FGD1: variants seen among roughly 807,000 people sequenced by gnomAD.
FGD1 encodes the protein FYVE, RhoGEF and PH domain containing 1.
Under a neutral mutation model 65.0 loss-of-function variants are expected in FGD1, and 12 were observed. That is an observed-to-expected ratio of 0.18 (90% CI 0.12 to 0.30). The LOEUF is 0.30. Among genes scored for constraint, FGD1 ranks in the 10% least tolerant of loss-of-function variants. The pLI is 1.00. For missense variants in FGD1, 542 were observed against 837.6 expected, an observed-to-expected ratio of 0.65 and a Z score of 4.36; for synonymous variants, 333 against 343.9, an observed-to-expected ratio of 0.97 and a Z score of 0.35.
rs1182349282 is a variant in FGD1, at chrX:54,456,572, A to G, written c.1637-5T>C. The G allele has an allele frequency of 8.3e-7, 1 of 1,204,918 alleles. No individual in the cohort carries two copies. The highest frequency in any genetic ancestry group is 1.1e-6 in the Non-Finnish European group (1 of 890,118). On this transcript the variant is annotated splice_region_variant and splice_polypyrimidine_tract_variant and intron_variant, in intron 8 of 17. Coordinates refer to ENST00000375135, the MANE Select transcript of FGD1 (RefSeq NM_004463.3). ...TGGCGATCAGCTCCAGAGACTCTAC[A>G]GGCATAGAGGGGTGAGGTCAGATGG...
intron 1 of FGD1, among the ~76,000 whole-genome samples, chrX:54,477,492 C>T (rs1338653711): frequency 1.8e-5 from 2 of 108,961 alleles, no homozygotes; most frequent in Non-Finnish European, 3.8e-5. Flanking sequence ...TACAATGGTG[C>T]GATCTCAGCT....
chrX:54,448,421 G>A lies in FGD1; in HGVS notation c.2436+385C>T, dbSNP rs767880354. On this transcript the variant is annotated intron_variant, in intron 16 of 17. Transcript: ENST00000375135. ...GGCTGGTCCTGAACTCCCGACCTCC[G>A]GTGATTCACCCGCCTCAGCCTCCCA... Among the ~76,000 whole-genome samples the A allele has an allele frequency of 9.9e-5, 11 of 111,043 alleles. No individual in the cohort carries two copies. In the East Asian group the frequency reaches 2.0e-3, roughly 20 times the overall value.
chrX:54,468,658 G>A (rs1001382295), intron 5 of FGD1, 129 bp downstream of exon 5: 4 of 508,508 alleles, frequency 7.9e-6, no homozygotes, highest in Non-Finnish European at 1.4e-5. Flanking sequence ...TGACTTCAAG[G>A]TCAGAGAGGA....
At chrX:54,459,039 C>T (rs1366004899) in intron 8 of FGD1, among the ~76,000 whole-genome samples, 1 of 111,203 alleles carries the variant, frequency 9.0e-6, no homozygotes, top group African/African-American at 3.3e-5. Flanking sequence ...AATGATCTCC[C>T]AGCTGCCTTT....
chrX:54,468,954 C>G, intron 4 of FGD1, 78 bp from the exon 5 acceptor site: 1 of 733,073 alleles, frequency 1.4e-6, no homozygotes, highest in Non-Finnish European at 2.1e-6. Context: ...ATTCTTAAAA[C>G]AGTTCCCATG....
Position 54,448,975 on chromosome X carries a change from G to A in FGD1, c.2275-8C>T. The A allele has an allele frequency of 1.7e-6, 2 of 1,207,548 alleles. No individual in the cohort carries two copies. The highest frequency in any genetic ancestry group is 2.2e-6 in the Non-Finnish European group (2 of 893,239). On this transcript the variant is annotated splice_region_variant and splice_polypyrimidine_tract_variant and intron_variant, in intron 15 of 17. Coordinates refer to ENST00000375135, the MANE Select transcript of FGD1 (RefSeq NM_004463.3). ...GCACTTCCCACAAACCACCTGGGGT[G>A]GCAAGTGGGCAAGAGTAGCCTGATT...
In FGD1 at chrX:54,495,690, GGCCC is replaced by G. The variant is rs1163936198; in HGVS notation, c.-262_-259del. 1 of 129,158 alleles carries G rather than the reference GGCCC, an allele frequency of 7.7e-6. No individual in the cohort carries two copies. The highest frequency in any genetic ancestry group is 1.5e-5 in the Non-Finnish European group (1 of 64,792). 10.6% of individuals were successfully genotyped at this position (129,158 alleles called of 1,213,427 possible). Reference sequence around the variant, plus strand: ...GCCAGGCATCGCCGGCCCCGGCCCCGGCCCCGCGCGGGGAGTGGGCTCGGCGGGG... The same window carrying G: ...GCCAGGCATCGCCGGCCCCGGCCCCGCGCGCGGGGAGTGGGCTCGGCGGGG... On this transcript the variant is annotated 5_prime_UTR_variant, in exon 1 of 18. Transcript: ENST00000375135.
In FGD1 at chrX:54,493,674, TAC is replaced by T. The variant is rs764045088; in HGVS notation, c.307+1450_307+1451del. ...GGCAGCTGCAAAAAGGCACTGGCTTTACACAGTGTCAAGGGGAGTTTGGAAAG... is the reference window on the plus strand; with the variant it reads ...GGCAGCTGCAAAAAGGCACTGGCTTTACAGTGTCAAGGGGAGTTTGGAAAG... On this transcript the variant is annotated intron_variant, in intron 1 of 17. Transcript: ENST00000375135. Among the ~76,000 whole-genome samples, 338 of 112,067 alleles carry T rather than the reference TAC, an allele frequency of 3.0e-3. 1 individual carries two copies. The highest frequency in any genetic ancestry group is 9.3e-3 in the Middle Eastern group (2 of 216).
At chrX:54,472,539 G>A (rs2147436812) in intron 1 of FGD1, among the ~76,000 whole-genome samples, 1 of 111,349 alleles carries the variant, frequency 9.0e-6, no homozygotes, top group African/African-American at 3.3e-5. Context: ...TTTGGCTCTA[G>A]AGGAGATGAT....
At chrX:54,464,674 A>G (rs1922721661) in intron 8 of FGD1, among the ~76,000 whole-genome samples, 1 of 111,118 alleles carries the variant, frequency 9.0e-6, no homozygotes, top group Non-Finnish European at 1.9e-5. Context: ...TGTGGGGTTC[A>G]GGTTGATACT....
chrX:54,481,248 T>C (rs1923135210), intron 1 of FGD1, among the ~76,000 whole-genome samples: 1 of 109,362 alleles, frequency 9.1e-6, no homozygotes. Flanking sequence ...GTTCCCTGAA[T>C]TGGAATCTGC....
chrX:54,457,998 G>A (rs1484047981), intron 8 of FGD1, among the ~76,000 whole-genome samples: 1 of 111,832 alleles, frequency 8.9e-6, no homozygotes, highest in Non-Finnish European at 1.9e-5. Context: ...CATATGGCTG[G>A]CCAACCAAGT....
At position 54,448,241 on chromosome X, in the gene FGD1, A is replaced by C. The variant is rs184941125; in HGVS notation, c.2436+565T>G. On this transcript the variant is annotated intron_variant, in intron 16 of 17. Transcript: ENST00000375135. ...GCTGTTGTTGCCCAGGCTGGAGTAC[A>C]ATGGCGCGATCTTGGCTCACCGCAA... 2.8e-3 allele frequency among the ~76,000 whole-genome samples: 306 copies of C among 108,384 alleles called. 1 individual carries two copies. Among genetic ancestry groups the C allele is most frequent in the African/African-American group, 9.8e-3 (289 of 29,577 alleles). 94.1% of individuals were successfully genotyped at this position (108,384 alleles called of 115,157 possible).
intron 10 of FGD1, 123 bp from the exon 11 acceptor site, chrX:54,455,907 T>C: frequency 1.6e-6 from 1 of 630,475 alleles, no homozygotes; most frequent in Admixed American, 2.9e-5. Flanking sequence ...ACAGCCCAAA[T>C]TGGGCACAGG....
chrX:54,490,274 A>G (rs1051305173), intron 1 of FGD1, among the ~76,000 whole-genome samples: 2 of 111,233 alleles, frequency 1.8e-5, no homozygotes, highest in Non-Finnish European at 3.8e-5. Context: ...TGTATACCAA[A>G]TCCCCCTGAC....
intron 8 of FGD1, among the ~76,000 whole-genome samples, chrX:54,462,555 C>A (rs1922661684): frequency 9.3e-6 from 1 of 107,108 alleles, no homozygotes; most frequent in Admixed American, 1.0e-4. Flanking sequence ...CCACGCCTGG[C>A]TAATTTTTGT....
At position 54,465,458 on chromosome X, in the gene FGD1, A is replaced by G; in HGVS notation, c.1629T>C (p.Asp543=). 8.3e-7 allele frequency: 1 copy of G among 1,208,820 alleles called. No individual in the cohort carries two copies. The highest frequency in any genetic ancestry group is 1.1e-6 in the Non-Finnish European group (1 of 893,800). ...KLPHGSPDSK[D]AQKSLELIAT... ...CTGGGTGCACACACTCACTTTGGGC[A>G]TCCTTGCTGTCCGGGGAGCCATGGG... The change falls in exon 8 of 18, where the codon GAT becomes GAC. Residue 543 remains aspartate (D), a synonymous_variant. Transcript: ENST00000375135.
intron 2 of FGD1, 32 bp from the exon 3 acceptor site, chrX:54,470,792 G>A: frequency 1.3e-6 from 1 of 787,252 alleles, no homozygotes; most frequent in Non-Finnish European, 1.8e-6. Flanking sequence ...AGAGAAGGGA[G>A]ACATCAGTGA....
At chrX:54,458,706 A>C (rs1248159912) in intron 8 of FGD1, among the ~76,000 whole-genome samples, 2 of 110,851 alleles carry the variant, frequency 1.8e-5, no homozygotes, top group East Asian at 5.7e-4. Context: ...GCCTGCCCAG[A>C]GTTCTCGGGC....
Sources: allele counts gnomAD v4.1 joint callset (sites outside exome capture counted in the v4.1 genomes callset), GRCh38; gene constraint gnomAD v4.1.1; transcripts MANE v1.5; gene names NCBI Gene and HGNC (gene_info 2026-07-23, HGNC 2026-07-21).